Variants in C8orf34 observed in about 807,000 individuals in gnomAD.
The protein encoded by C8orf34 is uncharacterized protein C8orf34.
A neutral mutation model predicts 68.3 loss-of-function variants in C8orf34; 65 were observed. The ratio of observed to expected loss-of-function variants is 0.95; its 90% CI spans 0.78 to 1.17. The LOEUF (loss-of-function observed/expected upper bound fraction) is 1.17. Among genes scored for constraint, C8orf34 ranks in the 50% most tolerant of loss-of-function variants. The pLI, the probability that C8orf34 is intolerant of heterozygous loss-of-function variation, is 0.00. For synonymous variants in C8orf34, 244 were observed against 241.2 expected (o/e 1.01, Z -0.11); for missense variants, 664 against 655.4 (o/e 1.01, Z -0.14).
At chr8:68,580,392 T>C (rs1421332370) in intron 7 of C8orf34, among the ~76,000 whole-genome samples, 3 of 152,132 alleles carry the variant, frequency 2.0e-5, no homozygotes, top group African/African-American at 7.2e-5. Context: ...TTAGTAGTTA[T>C]AGTTGTTTAT....
chr8:68,734,015 C>A (rs1238285719), intron 10 of C8orf34, among the ~76,000 whole-genome samples: 1 of 151,998 alleles, frequency 6.6e-6, no homozygotes, highest in Non-Finnish European at 1.5e-5. Flanking sequence ...TCAAGTTTCA[C>A]TAATTTTTTT....
chr8:68,614,963 A>G (rs1223325131), intron 7 of C8orf34, among the ~76,000 whole-genome samples: 2 of 152,202 alleles, frequency 1.3e-5, no homozygotes, highest in Non-Finnish European at 2.9e-5. Context: ...CTTTTATTTC[A>G]TTGAGCAGTG....
intron 1 of C8orf34, among the ~76,000 whole-genome samples, chr8:68,418,828 G>A (rs200885126): frequency 6.6e-6 from 1 of 151,806 alleles, no homozygotes; most frequent in African/African-American, 2.4e-5. Context: ...ACAAAAATCA[G>A]TTCAAGATGG....
chr8:68,485,245 G>A (rs776174350), intron 4 of C8orf34, among the ~76,000 whole-genome samples: 8 of 152,042 alleles, frequency 5.3e-5, no homozygotes, highest in Non-Finnish European at 1.0e-4. Flanking sequence ...TTACTTACTT[G>A]CCAGTTCTTG....
At chr8:68,340,636 A>G (rs1806031226) in intron 1 of C8orf34, among the ~76,000 whole-genome samples, 2 of 152,224 alleles carry the variant, frequency 1.3e-5, no homozygotes, top group South Asian at 4.1e-4. Context: ...AACATGAAGT[A>G]TATAATTGAA....
At chr8:68,675,285 AT>A (rs1196736988) in intron 8 of C8orf34, among the ~76,000 whole-genome samples, 1 of 152,184 alleles carries the variant, frequency 6.6e-6, no homozygotes, top group African/African-American at 2.4e-5. Context: ...TAATACTGTA[AT>A]GGTGGTTTGT....
At chr8:68,389,402 C>T (rs1015016509) in intron 1 of C8orf34, among the ~76,000 whole-genome samples, 25 of 152,028 alleles carry the variant, frequency 1.6e-4, no homozygotes, top group Non-Finnish European at 3.1e-4. Context: ...TTAAGTGCTA[C>T]TCAAATGTGA....
At chr8:68,424,334 T>C (rs1810114482) in intron 1 of C8orf34, among the ~76,000 whole-genome samples, 1 of 152,162 alleles carries the variant, frequency 6.6e-6, no homozygotes, top group African/African-American at 2.4e-5. Context: ...ACGGGGCAAC[T>C]GACTACTAAA....
At chr8:68,545,252 C>G (rs1815836471) in intron 7 of C8orf34, among the ~76,000 whole-genome samples, 1 of 152,106 alleles carries the variant, frequency 6.6e-6, no homozygotes, top group African/African-American at 2.4e-5. Context: ...GGGGTTTCCC[C>G]TTTCACTTGG....
At chr8:68,556,000 G>T (rs1816239113) in intron 7 of C8orf34, among the ~76,000 whole-genome samples, 1 of 152,064 alleles carries the variant, frequency 6.6e-6, no homozygotes, top group Admixed American at 6.6e-5. Flanking sequence ...ATTTGAAATG[G>T]CAGAAAGCAT....
At chr8:68,783,038 C>T (rs1823725267) in intron 11 of C8orf34, among the ~76,000 whole-genome samples, 1 of 149,118 alleles carries the variant, frequency 6.7e-6, no homozygotes, top group African/African-American at 2.5e-5. Flanking sequence ...TGTCACTGCA[C>T]TCCAGTCTGG....
chr8:68,694,798 T>C (rs1820779940), intron 8 of C8orf34, among the ~76,000 whole-genome samples: 1 of 152,112 alleles, frequency 6.6e-6, no homozygotes, highest in Non-Finnish European at 1.5e-5. Flanking sequence ...CCATTACTTT[T>C]AATTACTTGC....
At chr8:68,479,746 A>G (rs1812779597) in intron 4 of C8orf34, among the ~76,000 whole-genome samples, 2 of 152,182 alleles carry the variant, frequency 1.3e-5, no homozygotes, top group Non-Finnish European at 2.9e-5. Flanking sequence ...CCTATACAGT[A>G]AGAAGGAGGA....
At chr8:68,674,735 A>G (rs1031729397) in intron 8 of C8orf34, among the ~76,000 whole-genome samples, 2 of 152,144 alleles carry the variant, frequency 1.3e-5, no homozygotes, top group African/African-American at 4.8e-5. Flanking sequence ...TCAAAGGGAT[A>G]ATATCAGAGA....
At chr8:68,566,333 A>C (rs4636186) in intron 7 of C8orf34, among the ~76,000 whole-genome samples, 137,946 of 152,150 alleles carry the variant, frequency 0.91, 62,789 homozygotes, top group East Asian at 1. Flanking sequence ...CTCAAGTAGA[A>C]CCCAGTGTCT....
At chr8:68,523,731 G>A (rs10504426) in intron 6 of C8orf34, among the ~76,000 whole-genome samples, 72,540 of 151,882 alleles carry the variant, frequency 0.48, 17,511 homozygotes, top group Non-Finnish European at 0.52. Flanking sequence ...AACTCACACC[G>A]CATTAGATTT....
chr8:68,811,192 G>A (rs1824640327), intron 12 of C8orf34, among the ~76,000 whole-genome samples: 1 of 152,192 alleles, frequency 6.6e-6, no homozygotes, highest in African/African-American at 2.4e-5. Flanking sequence ...GAGGCAGCAG[G>A]GGGCTGACAT....
chr8:68,559,983 T>C (rs893285278), intron 7 of C8orf34, among the ~76,000 whole-genome samples: 3 of 152,108 alleles, frequency 2.0e-5, no homozygotes, highest in Admixed American at 1.3e-4. Context: ...ATGGAAGCAT[T>C]CCTACTAGGT....
intron 1 of C8orf34, among the ~76,000 whole-genome samples, chr8:68,422,907 A>G (rs1346568484): frequency 6.6e-6 from 1 of 152,058 alleles, no homozygotes; most frequent in African/African-American, 2.4e-5. Context: ...TGGGGCTTAC[A>G]CCCTCTGAAA....
Sources: allele counts gnomAD v4.1 joint callset (sites outside exome capture counted in the v4.1 genomes callset), GRCh38; gene constraint gnomAD v4.1.1; transcripts MANE v1.5; gene names NCBI Gene and HGNC (gene_info 2026-07-23, HGNC 2026-07-21).